Variants in ITGA9 observed in about 807,000 individuals in gnomAD.
The protein encoded by ITGA9 is integrin subunit alpha 9.
In ITGA9, 56 loss-of-function variants were observed where a neutral mutation model predicts 127.8. That is an observed-to-expected ratio of 0.44 (90% CI 0.35 to 0.55). ITGA9 has a LOEUF of 0.55. Among genes scored for constraint, ITGA9 ranks in the 20% least tolerant of loss-of-function variants. The probability of loss-of-function intolerance (pLI) is 0.00; values close to 1 mark genes in which losing one functional copy is unlikely to be tolerated. For synonymous variants in ITGA9, 508 were observed against 514.5 expected (o/e 0.99, Z 0.17); for missense variants, 1,196 against 1,347.1 (o/e 0.89, Z 1.76).
rs983063325 is a variant in ITGA9, at chr3:37,597,900, T to C, written c.1690-31287T>C. Among the ~76,000 whole-genome samples, 1 of 152,194 alleles carries C rather than the reference T, an allele frequency of 6.6e-6. No individual in the cohort carries two copies. The highest frequency in any genetic ancestry group is 1.5e-5 in the Non-Finnish European group (1 of 68,024). On this transcript the variant is annotated intron_variant, in intron 15 of 27. Transcript: ENST00000264741. The surrounding 1 kb of genome is among the most constrained non-coding windows in gnomAD (Gnocchi z 4.6). ...GGGCAACTCAGCACCGCTCCATGCA[T>C]ATCTCACTGTCCAACAGGCCAGCCT...
chr3:37,554,029 C>T (rs908278859), intron 15 of ITGA9, among the ~76,000 whole-genome samples: 5 of 152,186 alleles, frequency 3.3e-5, no homozygotes, highest in South Asian at 2.1e-4. Flanking sequence ...CCTATTATGC[C>T]GTAGGCTGGG....
At chr3:37,485,478 C>A (rs1476776196) in intron 4 of ITGA9, among the ~76,000 whole-genome samples, 3 of 152,058 alleles carry the variant, frequency 2.0e-5, no homozygotes, top group Admixed American at 6.6e-5. Context: ...TGCTGTGATG[C>A]CTCCACTGCA....
chr3:37,615,140 A>G (rs1484716390), intron 15 of ITGA9, among the ~76,000 whole-genome samples: 1 of 152,204 alleles, frequency 6.6e-6, no homozygotes, highest in Non-Finnish European at 1.5e-5. Context: ...GATAGGTCCC[A>G]TCAATACCTA....
intron 11 of ITGA9, among the ~76,000 whole-genome samples, chr3:37,521,374 A>G (rs954787690): frequency 6.6e-6 from 1 of 152,116 alleles, no homozygotes; most frequent in African/African-American, 2.4e-5. Flanking sequence ...CAGGGCCTAC[A>G]CTTCTTCCAC....
intron 15 of ITGA9, among the ~76,000 whole-genome samples, chr3:37,574,010 G>A (rs1699627614): frequency 6.6e-6 from 1 of 152,048 alleles, no homozygotes; most frequent in Non-Finnish European, 1.5e-5. Context: ...ACCTTTTAAA[G>A]ATTTATTTAT....
intron 3 of ITGA9, among the ~76,000 whole-genome samples, chr3:37,480,182 G>A (rs1252330860): frequency 6.6e-6 from 1 of 151,760 alleles, no homozygotes; most frequent in Non-Finnish European, 1.5e-5. Context: ...GCAGAGACAT[G>A]CACGGGAACT....
At chr3:37,703,882 G>C (rs1322360339) in intron 18 of ITGA9, among the ~76,000 whole-genome samples, 1 of 152,174 alleles carries the variant, frequency 6.6e-6, no homozygotes, top group East Asian at 1.9e-4. Context: ...CAAGCTTAAG[G>C]AGGTGACTCA....
At chr3:37,588,412 A>AC (rs1338344193) in intron 15 of ITGA9, among the ~76,000 whole-genome samples, 1 of 140,852 alleles carries the variant, frequency 7.1e-6, no homozygotes, top group African/African-American at 2.6e-5. Flanking sequence ...AGCTTCGTCC[A>AC]CCCCCTCCCC....
At chr3:37,792,613 C>A (rs945855230) in intron 26 of ITGA9, among the ~76,000 whole-genome samples, 5 of 152,200 alleles carry the variant, frequency 3.3e-5, no homozygotes, top group African/African-American at 1.2e-4. Context: ...TAGACCTAGG[C>A]AGGGTCCATG....
Position 37,734,382 on chromosome 3 carries a change from C to A in ITGA9, c.2154+1584C>A, listed in dbSNP as rs188543143. Reference sequence around the variant, plus strand: ...AATCTTTTGAGTAACAGATAATAGGCTTAACTGGAAAACTTGCAACAGTTT... The same window carrying A: ...AATCTTTTGAGTAACAGATAATAGGATTAACTGGAAAACTTGCAACAGTTT... On this transcript the variant is annotated intron_variant, in intron 19 of 27. Transcript: ENST00000264741. Among the ~76,000 whole-genome samples the A allele has an allele frequency of 5.9e-5, 9 of 152,348 alleles. No individual in the cohort carries two copies. The East Asian group carries it at 1.7e-3, about 29-fold the overall frequency.
chr3:37,666,582 C>T (rs1482673583), intron 17 of ITGA9, among the ~76,000 whole-genome samples: 1 of 152,204 alleles, frequency 6.6e-6, no homozygotes, highest in Non-Finnish European at 1.5e-5. Flanking sequence ...CTCCAGCAGG[C>T]TAGCCCAGGA....
chr3:37,618,348 C>T (rs894066322), intron 15 of ITGA9, among the ~76,000 whole-genome samples: 1 of 152,192 alleles, frequency 6.6e-6, no homozygotes, highest in Admixed American at 6.5e-5. Context: ...AGTACCTGGC[C>T]GTGTGAGGTG....
intron 18 of ITGA9, among the ~76,000 whole-genome samples, chr3:37,702,887 G>A (rs1356018948): frequency 6.6e-6 from 1 of 152,044 alleles, no homozygotes. Flanking sequence ...GACACTCACT[G>A]ACCACCTAGA....
chr3:37,714,603 G>A (rs1701114449), intron 18 of ITGA9, among the ~76,000 whole-genome samples: 2 of 152,212 alleles, frequency 1.3e-5, no homozygotes, highest in South Asian at 2.1e-4. Context: ...AGGGAAGGAA[G>A]CCACCAGTGT....
intron 8 of ITGA9, among the ~76,000 whole-genome samples, chr3:37,511,590 C>A (rs1333398996): frequency 2.0e-5 from 3 of 152,192 alleles, no homozygotes. Context: ...TTACTGATTT[C>A]TTTTACCAAA....
intron 17 of ITGA9, among the ~76,000 whole-genome samples, chr3:37,657,538 C>T (rs547440492): frequency 6.6e-6 from 1 of 151,510 alleles, no homozygotes; most frequent in Non-Finnish European, 1.5e-5. Context: ...GTGGTAATAT[C>T]CCCTTTATCA....
chr3:37,499,817 G>T (rs1698770015), intron 5 of ITGA9, among the ~76,000 whole-genome samples: 2 of 152,184 alleles, frequency 1.3e-5, no homozygotes, highest in South Asian at 4.1e-4. Flanking sequence ...TTGAAGACAG[G>T]AATTACTTTA....
At chr3:37,486,617 A>G (rs1698613002) in intron 4 of ITGA9, among the ~76,000 whole-genome samples, 1 of 152,232 alleles carries the variant, frequency 6.6e-6, no homozygotes, top group African/African-American at 2.4e-5. Context: ...TAGTGACTAG[A>G]TAATGAAGGG....
chr3:37,820,738 G>T lies in ITGA9; in HGVS notation c.*1749G>T, dbSNP rs1697503485. The T allele has an allele frequency of 1.3e-5, 2 of 152,178 alleles. No individual in the cohort carries two copies. The highest frequency in any genetic ancestry group is 6.5e-5 in the Admixed American group (1 of 15,278). 9.4% of individuals were successfully genotyped at this position (152,178 alleles called of 1,614,324 possible). A position where few individuals can be genotyped will look rare whatever the true frequency, so the allele number is the denominator to read the frequency against. ...ACAGAAAACATGGGGCTAAGAGCAG[G>T]GTCTAACGGAGTCTTAATGGCTTAT... On this transcript the variant is annotated 3_prime_UTR_variant, in exon 28 of 28. Transcript: ENST00000264741.
Sources: allele counts gnomAD v4.1 joint callset (sites outside exome capture counted in the v4.1 genomes callset), GRCh38; gene constraint gnomAD v4.1.1; non-coding constraint Gnocchi (gnomAD v3.1); transcripts MANE v1.5; gene names NCBI Gene and HGNC (gene_info 2026-07-23, HGNC 2026-07-21).